The following LCP1 variants were observed in gnomAD, a reference collection of about 807,000 sequenced individuals.
LCP1 encodes the protein lymphocyte cytosolic protein 1.
A neutral mutation model predicts 72.0 loss-of-function variants in LCP1; 23 were observed. The observed-to-expected ratio is 0.32, with a 90% CI of 0.23 to 0.45. The LOEUF is 0.45. LCP1 is among the 20% of genes least tolerant of loss of function. The pLI is 1.00. For synonymous variants in LCP1, 245 were observed against 275.4 expected (o/e 0.89, Z 1.09); for missense variants, 571 against 748.3 (o/e 0.76, Z 2.76).
chr13:46,181,802 G>A (rs532324674), intron 1 of LCP1, among the ~76,000 whole-genome samples: 1 of 152,294 alleles, frequency 6.6e-6, no homozygotes, highest in South Asian at 2.1e-4. Context: ...GTGAAATAGA[G>A]CAATAGAAAT....
rs1469754300 is a variant in LCP1, at chr13:46,159,624, C to T, written c.39G>A (p.Glu13=). ...RGSVSDEEMM[E]LREAFAKVDT... is the part of the protein sequence containing the mutation. ...CAACTTTGGCAAAAGCTTCTCTGAG[C>T]TCCATCATTTCCTCATCGGACACTG... is the stretch of plus-strand genomic sequence containing the variant. Residue 13 remains glutamate (E), a synonymous_variant, in exon 2 of 16, where the codon GAG becomes GAA. Transcript: ENST00000323076. 2.5e-6 allele frequency: 4 copies of T among 1,614,032 alleles called. No homozygotes were observed. The African/African-American group carries it at 5.3e-5, about 22-fold the overall frequency.
rs1014779200 is a variant in LCP1 at position 46,163,499 on chromosome 13, G to C, written c.-24-3813C>G. On this transcript the variant is annotated intron_variant, in intron 1 of 15. Transcript: ENST00000323076. ...AAGTACCCAGGGACACAAACACTGC[G>C]GAAGGCCGCAGGGTCCTCTGCCTAG... Among the ~76,000 whole-genome samples the C allele has an allele frequency of 3.3e-5, 5 of 150,958 alleles. No individual in the cohort carries two copies. The East Asian group carries it at 9.7e-4, about 29-fold the overall frequency.
At chr13:46,174,834 C>CAAAAAAAAAA (rs398056355) in intron 1 of LCP1, among the ~76,000 whole-genome samples, 4 of 82,282 alleles carry the variant, frequency 4.9e-5, no homozygotes, top group African/African-American at 1.7e-4. Flanking sequence ...ACTCCATCTT[C>CAAAAAAAAAA]AAAAAAAAAA....
At chr13:46,168,694 G>A (rs1295454901) in intron 1 of LCP1, among the ~76,000 whole-genome samples, 3 of 152,212 alleles carry the variant, frequency 2.0e-5, no homozygotes, top group African/African-American at 4.8e-5. Flanking sequence ...CAGAAAGAGA[G>A]TCATCTACTA....
At chr13:46,134,299 A>G (rs1301118597) in intron 13 of LCP1, 49 bp from the exon 14 acceptor site, 2 of 1,579,148 alleles carry the variant, frequency 1.3e-6, no homozygotes, top group Non-Finnish European at 1.7e-6. Flanking sequence ...TAAAGAATTT[A>G]ATATAAACAA....
intron 1 of LCP1, among the ~76,000 whole-genome samples, chr13:46,166,453 T>G (rs1309021517): frequency 6.6e-6 from 1 of 151,934 alleles, no homozygotes; most frequent in Non-Finnish European, 1.5e-5. Context: ...AGGGACTCTT[T>G]TGAATGTGCC....
intron 11 of LCP1, 64 bp from the exon 12 acceptor site, chr13:46,143,468 C>G (rs1382483600): frequency 2.9e-6 from 3 of 1,049,780 alleles, no homozygotes; most frequent in Non-Finnish European, 4.5e-6. Context: ...CTACAATGGG[C>G]CAGACACTTT....
chr13:46,148,937 C>T (rs9316192), intron 8 of LCP1: 13,794 of 186,748 alleles, frequency 0.074, 1,115 homozygotes, highest in African/African-American at 0.22. Flanking sequence ...CATTAACAAG[C>T]AATCTTTACG....
chr13:46,164,483 G>T (rs539128907), intron 1 of LCP1, among the ~76,000 whole-genome samples: 1 of 152,154 alleles, frequency 6.6e-6, no homozygotes, highest in African/African-American at 2.4e-5. Context: ...ATTTTTCTAC[G>T]AGATTTATGA....
chr13:46,139,143 A>G (rs2045682876), intron 13 of LCP1, among the ~76,000 whole-genome samples: 1 of 152,206 alleles, frequency 6.6e-6, no homozygotes, highest in Admixed American at 6.5e-5. Flanking sequence ...CTGGAAATAC[A>G]CTGGTGAGAA....
At chr13:46,147,589 G>T (rs1352016018) in intron 9 of LCP1, among the ~76,000 whole-genome samples, 1 of 151,950 alleles carries the variant, frequency 6.6e-6, no homozygotes, top group Non-Finnish European at 1.5e-5. Flanking sequence ...ACATTGAGTT[G>T]GTATACTTGC....
intron 1 of LCP1, among the ~76,000 whole-genome samples, chr13:46,163,574 C>T (rs1248979960): frequency 2.7e-5 from 4 of 150,860 alleles, no homozygotes; most frequent in African/African-American, 9.8e-5. Context: ...CTTCCCTCCA[C>T]TATTGTCCTG....
At chr13:46,175,188 C>T (rs538437089) in intron 1 of LCP1, among the ~76,000 whole-genome samples, 19 of 152,276 alleles carry the variant, frequency 1.2e-4, no homozygotes, top group South Asian at 6.2e-4. Context: ...ATCTTTCAAG[C>T]GTTTGGCATG....
rs1345324787 is a variant in LCP1 at position 46,127,029 on chromosome 13, G to A, written c.*562C>T. The A allele has an allele frequency of 4.3e-6, 1 of 231,658 alleles. No individual in the cohort carries two copies. Among genetic ancestry groups the A allele is most frequent in the Non-Finnish European group, 8.5e-6 (1 of 117,160 alleles). 14.4% of individuals were successfully genotyped at this position (231,658 alleles called of 1,614,324 possible). A position where few individuals can be genotyped will look rare whatever the true frequency, so the allele number is the denominator to read the frequency against. The stretch of plus-strand genomic sequence containing the variant: ...TATCACACACTCCAAGTGGCCCAGA[G>A]ACAAGGACGGCCAGAAGAGATGGGC... On this transcript the variant is annotated 3_prime_UTR_variant, in exon 16 of 16. Transcript: ENST00000323076.
chr13:46,177,274 A>G (rs1175770706), intron 1 of LCP1, among the ~76,000 whole-genome samples: 1 of 152,254 alleles, frequency 6.6e-6, no homozygotes, highest in African/African-American at 2.4e-5. Context: ...TATAAAAAGT[A>G]GAATGTTTAA....
intron 9 of LCP1, 88 bp downstream of exon 9, chr13:46,148,264 C>T: frequency 3.4e-6 from 3 of 895,142 alleles, no homozygotes; most frequent in Non-Finnish European, 5.3e-6. Flanking sequence ...AGTCATGGAA[C>T]TCCAGAATCA....
chr13:46,136,334 G>A (rs1420829485), intron 13 of LCP1, among the ~76,000 whole-genome samples: 2 of 152,174 alleles, frequency 1.3e-5, no homozygotes, highest in African/African-American at 2.4e-5. Context: ...CTTCAAACCT[G>A]TTCCCAGAAC....
At chr13:46,170,799 C>T (rs1380369424) in intron 1 of LCP1, among the ~76,000 whole-genome samples, 2 of 152,152 alleles carry the variant, frequency 1.3e-5, no homozygotes, top group African/African-American at 2.4e-5. Context: ...AACACACAGA[C>T]GTGGCTTTGG....
At chr13:46,144,973 A>G (rs1032737900) in intron 10 of LCP1, among the ~76,000 whole-genome samples, 2 of 152,198 alleles carry the variant, frequency 1.3e-5, no homozygotes, top group Non-Finnish European at 2.9e-5. Flanking sequence ...GATCAGAAAA[A>G]GGAAAGAGTA....
Sources: allele counts gnomAD v4.1 joint callset (sites outside exome capture counted in the v4.1 genomes callset), GRCh38; gene constraint gnomAD v4.1.1; transcripts MANE v1.5; gene names NCBI Gene and HGNC (gene_info 2026-07-23, HGNC 2026-07-21).